Variants in GHR observed in about 807,000 individuals in gnomAD.
GHR encodes the protein growth hormone receptor, also known as GH receptor.
GHR carries 35 observed loss-of-function variants against 67.1 expected under a neutral mutation model. The ratio of observed to expected loss-of-function variants is 0.52; its 90% CI spans 0.40 to 0.69. The LOEUF (loss-of-function observed/expected upper bound fraction) is 0.69. Ranked by LOEUF, GHR falls within the 30% of genes least tolerant of loss-of-function variation. GHR has a pLI of 0.00. For missense variants in GHR, 792 were observed against 764.6 expected (o/e 1.04, Z -0.42); for synonymous variants, 272 against 269.1 (o/e 1.01, Z -0.10).
chr5:42,633,631 A>G (rs1186188466), intron 3 of GHR, among the ~76,000 whole-genome samples: 1 of 151,982 alleles, frequency 6.6e-6, no homozygotes, highest in Non-Finnish European at 1.5e-5. Context: ...CTTCCTGCCT[A>G]CCTCTGATTC....
chr5:42,690,599 A>T, intron 4 of GHR, among the ~76,000 whole-genome samples: 1 of 152,210 alleles, frequency 6.6e-6, no homozygotes, highest in Admixed American at 6.5e-5. Context: ...TATTTTAATT[A>T]TTGGTATAAG....
rs546554239 is a variant in GHR, at chr5:42,579,169, TAG to T, written c.70+13227_70+13228del. Among the ~76,000 whole-genome samples the T allele has an allele frequency of 2.8e-5, 4 of 144,172 alleles. No homozygotes were observed. The East Asian group carries it at 7.8e-4, about 28-fold the overall frequency. 94.6% of individuals were successfully genotyped at this position (144,172 alleles called of 152,430 possible). On this transcript the variant is annotated intron_variant, in intron 2 of 9. Coordinates refer to ENST00000230882, the MANE Select transcript of GHR (RefSeq NM_000163.5). ...AGATAGATATAGATAGATAGATAGA[TAG>T]ATAGATAGATAGATAGATAGATAGA...
At chr5:42,520,947 C>T (rs1389417918) in intron 1 of GHR, among the ~76,000 whole-genome samples, 2 of 152,172 alleles carry the variant, frequency 1.3e-5, no homozygotes, top group East Asian at 3.8e-4. Context: ...ATTGGACTAC[C>T]TTTATAGCAT....
At chr5:42,684,155 C>T (rs1020748493) in intron 3 of GHR, among the ~76,000 whole-genome samples, 4 of 152,012 alleles carry the variant, frequency 2.6e-5, no homozygotes, top group African/African-American at 4.8e-5. Context: ...TTGTTGTGTA[C>T]GTTATTGTTC....
At chr5:42,632,208 T>C (rs185446557) in intron 3 of GHR, among the ~76,000 whole-genome samples, 85 of 152,294 alleles carry the variant, frequency 5.6e-4, no homozygotes, top group Non-Finnish European at 1.1e-3. Context: ...AGGCACACTG[T>C]ATTTTCCCTC....
intron 3 of GHR, among the ~76,000 whole-genome samples, chr5:42,653,838 C>T (rs986443389): frequency 6.6e-6 from 1 of 152,122 alleles, no homozygotes; most frequent in Non-Finnish European, 1.5e-5. Context: ...CTCTAAGATA[C>T]GAACTCTGTG....
At chr5:42,648,849 G>A (rs1236074015) in intron 3 of GHR, among the ~76,000 whole-genome samples, 2 of 152,006 alleles carry the variant, frequency 1.3e-5, no homozygotes, top group East Asian at 1.9e-4. Context: ...TTCTGACTGC[G>A]CTTATTTTAT....
intron 1 of GHR, among the ~76,000 whole-genome samples, chr5:42,530,750 C>T (rs950688785): frequency 6.6e-6 from 1 of 152,068 alleles, no homozygotes; most frequent in African/African-American, 2.4e-5. Context: ...AGATTGTTGG[C>T]ACAAACTAAG....
chr5:42,431,973 A>G (rs1743116337), intron 1 of GHR, among the ~76,000 whole-genome samples: 1 of 152,204 alleles, frequency 6.6e-6, no homozygotes, highest in African/African-American at 2.4e-5. Flanking sequence ...GAATTCCCTG[A>G]TAGGGAACTG....
chr5:42,437,811 C>T (rs536415740), intron 1 of GHR, among the ~76,000 whole-genome samples: 2 of 151,696 alleles, frequency 1.3e-5, no homozygotes, highest in East Asian at 1.9e-4. Flanking sequence ...CCACCTCAGC[C>T]TCTCCAAGTG....
At chr5:42,428,045 G>A (rs536806072) in intron 1 of GHR, among the ~76,000 whole-genome samples, 1 of 152,352 alleles carries the variant, frequency 6.6e-6, no homozygotes, top group East Asian at 1.9e-4. Flanking sequence ...ACCCACTGGG[G>A]ACTCTGTGTA....
chr5:42,640,774 G>GTGTA (rs1176353026), intron 3 of GHR, among the ~76,000 whole-genome samples: 1 of 152,104 alleles, frequency 6.6e-6, no homozygotes, highest in African/African-American at 2.4e-5. Flanking sequence ...ATATGTGTGT[G>GTGTA]TGTGTGTGTA....
chr5:42,698,204 G>A (rs982808693), intron 5 of GHR, among the ~76,000 whole-genome samples: 5 of 152,180 alleles, frequency 3.3e-5, no homozygotes, highest in Admixed American at 3.3e-4. Flanking sequence ...TATGTATAGA[G>A]ATAAAGGAGA....
intron 1 of GHR, chr5:42,465,425 A>G (rs1744682138): frequency 6.5e-7 from 1 of 1,550,134 alleles, no homozygotes; most frequent in Admixed American, 1.7e-5. Flanking sequence ...CTTATTTTGA[A>G]TAGCCTTCCA....
chr5:42,481,811 C>G (rs1745653104), intron 1 of GHR, among the ~76,000 whole-genome samples: 1 of 152,110 alleles, frequency 6.6e-6, no homozygotes, highest in African/African-American at 2.4e-5. Flanking sequence ...TTTTTAACTT[C>G]TTTGCCATTG....
At chr5:42,565,450 T>C (rs1369448280) in intron 1 of GHR, 4 of 984,754 alleles carry the variant, frequency 4.1e-6, no homozygotes, top group Non-Finnish European at 2.4e-6. Flanking sequence ...GTTATGTTTT[T>C]CCTTTTATGG....
At chr5:42,467,183 G>T in intron 1 of GHR, 1 of 1,593,112 alleles carries the variant, frequency 6.3e-7, no homozygotes. Context: ...AGGCAAGAGA[G>T]CTGACTGAAG....
chr5:42,468,558 C>G, intron 1 of GHR: 1 of 881,666 alleles, frequency 1.1e-6, no homozygotes, highest in Non-Finnish European at 1.8e-6. Context: ...CTTATTCCTT[C>G]TTTCTTAAGC....
chr5:42,667,899 A>G (rs1756073876), intron 3 of GHR, among the ~76,000 whole-genome samples: 1 of 152,100 alleles, frequency 6.6e-6, no homozygotes, highest in Non-Finnish European at 1.5e-5. Flanking sequence ...TCTCTCCCTC[A>G]GGCTCCCAGT....
Sources: allele counts gnomAD v4.1 joint callset (sites outside exome capture counted in the v4.1 genomes callset), GRCh38; gene constraint gnomAD v4.1.1; transcripts MANE v1.5; gene names NCBI Gene and HGNC (gene_info 2026-07-23, HGNC 2026-07-21).